LRRC8B: variants seen among roughly 807,000 people sequenced by gnomAD.
The protein encoded by LRRC8B is leucine rich repeat containing 8 VRAC subunit B, also known as volume-regulated anion channel subunit LRRC8B.
In LRRC8B, 23 loss-of-function variants were observed where a neutral mutation model predicts 58.8. That is an observed-to-expected ratio of 0.39 (90% CI 0.28 to 0.55). The LOEUF (loss-of-function observed/expected upper bound fraction) is 0.55, where lower values mean the gene tolerates loss of function less well. Ranked by LOEUF, LRRC8B falls within the 20% of genes least tolerant of loss-of-function variation. The probability of loss-of-function intolerance (pLI) is 0.62; values close to 1 mark genes in which losing one functional copy is unlikely to be tolerated. For missense variants in LRRC8B, 694 were observed against 936.0 expected (o/e 0.74, Z 3.37); for synonymous variants, 359 against 374.1 (o/e 0.96, Z 0.47).
At chr1:89,543,397 A>G (rs753977472) in intron 1 of LRRC8B, among the ~76,000 whole-genome samples, 1 of 152,196 alleles carries the variant, frequency 6.6e-6, no homozygotes, top group African/African-American at 2.4e-5. Context: ...TCTGTTGTGC[A>G]TGAAGGTAAC....
chr1:89,529,437 A>G (rs1398768098), intron 1 of LRRC8B, among the ~76,000 whole-genome samples: 1 of 152,112 alleles, frequency 6.6e-6, no homozygotes, highest in African/African-American at 2.4e-5. Flanking sequence ...TGTGAAATCA[A>G]ATAGATCTGG....
rs1655224026 is a variant in LRRC8B, at chr1:89,595,194, C to T, written c.*2151C>T. On this transcript the variant is annotated 3_prime_UTR_variant, in exon 6 of 6. Transcript: ENST00000330947. The stretch of plus-strand genomic sequence containing the variant: ...GCCTTTAGTCAGAACATTCAGCTCT[C>T]AGGGAAGCAGGTATAACTGATGAAA... The T allele has an allele frequency of 6.6e-6, 1 of 152,140 alleles. No individual in the cohort carries two copies. Among genetic ancestry groups the T allele is most frequent in the African/African-American group, 2.4e-5 (1 of 41,446 alleles). 9.4% of individuals were successfully genotyped at this position (152,140 alleles called of 1,614,324 possible). A position where few individuals can be genotyped will look rare whatever the true frequency, so the allele number is the denominator to read the frequency against.
At chr1:89,547,924 A>G (rs1036339681) in intron 1 of LRRC8B, among the ~76,000 whole-genome samples, 1 of 152,224 alleles carries the variant, frequency 6.6e-6, no homozygotes, top group Non-Finnish European at 1.5e-5. Context: ...TTGCAGCTAC[A>G]TGACAGCTGT....
chr1:89,532,894 C>G (rs1570552139), intron 1 of LRRC8B, among the ~76,000 whole-genome samples: 1 of 152,200 alleles, frequency 6.6e-6, no homozygotes, highest in Admixed American at 6.5e-5. Flanking sequence ...AACAGCAATA[C>G]TATTTACCCA....
intron 1 of LRRC8B, among the ~76,000 whole-genome samples, chr1:89,561,269 T>C (rs1422871892): frequency 6.7e-6 from 1 of 148,862 alleles, no homozygotes; most frequent in Non-Finnish European, 1.5e-5. Context: ...TTGAGTTCAC[T>C]GTAGATTCTG....
At chr1:89,536,354 T>G (rs978407348) in intron 1 of LRRC8B, among the ~76,000 whole-genome samples, 3 of 152,172 alleles carry the variant, frequency 2.0e-5, no homozygotes, top group African/African-American at 7.2e-5. Flanking sequence ...GCCTGGCTCC[T>G]TTTCACAGGT....
chr1:89,590,973 G>A (rs1341930115), intron 5 of LRRC8B, among the ~76,000 whole-genome samples: 1 of 152,176 alleles, frequency 6.6e-6, no homozygotes, highest in African/African-American at 2.4e-5. Context: ...TAGAGGCTGA[G>A]GATGCTGCTA....
chr1:89,572,934 A>T lies in LRRC8B; in HGVS notation c.-125+4441A>T, dbSNP rs1241551896. The stretch of plus-strand genomic sequence containing the variant: ...TCCTAAAGAGAAAAATATTATCTAC[A>T]TTAAATATATGATGTATTCTATAAC... On this transcript the variant is annotated intron_variant, in intron 3 of 5. Transcript: ENST00000330947. 2.0e-5 allele frequency among the ~76,000 whole-genome samples: 3 copies of T among 152,200 alleles called. No homozygotes were observed. In the South Asian group the frequency reaches 6.2e-4, roughly 32 times the overall value.
intron 1 of LRRC8B, among the ~76,000 whole-genome samples, chr1:89,526,748 C>T (rs1272909730): frequency 2.0e-5 from 3 of 152,106 alleles, no homozygotes; most frequent in Non-Finnish European, 2.9e-5. Flanking sequence ...ACTTAGTATC[C>T]CCAACAACAT....
chr1:89,576,805 T>C (rs1046443427), intron 3 of LRRC8B, among the ~76,000 whole-genome samples: 2 of 152,186 alleles, frequency 1.3e-5, no homozygotes, highest in Non-Finnish European at 2.9e-5. Context: ...TTGAAAGAAC[T>C]ACAAAGGGAC....
intron 3 of LRRC8B, among the ~76,000 whole-genome samples, chr1:89,577,167 G>C (rs1391596375): frequency 3.3e-5 from 5 of 152,186 alleles, no homozygotes; most frequent in African/African-American, 1.2e-4. Context: ...TGGGGTCAGA[G>C]ACAGATCTTT....
rs576944107 is a variant in LRRC8B at position 89,559,452 on chromosome 1, T to C, written c.-240-8795T>C. Among the ~76,000 whole-genome samples, 17 of 151,984 alleles carry C rather than the reference T, an allele frequency of 1.1e-4. No individual in the cohort carries two copies. In the East Asian group the frequency reaches 2.9e-3, roughly 26 times the overall value. Reference sequence around the variant, plus strand: ...TTGTGTCCAGGAGTTTCAGCAACATTGTGAGACTCTGTCTCTACAAAAAAA... The same window carrying C: ...TTGTGTCCAGGAGTTTCAGCAACATCGTGAGACTCTGTCTCTACAAAAAAA... On this transcript the variant is annotated intron_variant, in intron 1 of 5. Transcript: ENST00000330947.
intron 1 of LRRC8B, among the ~76,000 whole-genome samples, chr1:89,533,857 A>G (rs1650325684): frequency 1.3e-5 from 2 of 152,244 alleles, no homozygotes; most frequent in Admixed American, 6.5e-5. Flanking sequence ...TGGTATTTGC[A>G]TAAAATTTTA....
chr1:89,538,744 A>G (rs894695808), intron 1 of LRRC8B, among the ~76,000 whole-genome samples: 6 of 152,112 alleles, frequency 3.9e-5, no homozygotes, highest in African/African-American at 1.4e-4. Context: ...TTTTTTAGAC[A>G]GAGCCTCACT....
Position 89,584,098 on chromosome 1 carries a change from C to A in LRRC8B, c.1448C>A (p.Ala483Asp). The A allele has an allele frequency of 6.2e-7, 1 of 1,613,992 alleles. No individual in the cohort carries two copies. The highest frequency in any genetic ancestry group is 8.5e-7 in the Non-Finnish European group (1 of 1,180,034). ...SSLVVDHPAL[A>D]FLEENLKILR... ...CTGGTCGTAGACCATCCTGCACTGG[C>A]CTTTCTAGAGGAGAATTTAAAAATC... The change falls in exon 5 of 6, where the codon GCC (alanine) becomes GAC (aspartate). Residue 483 changes from alanine to aspartate, a missense_variant. By Grantham distance (126) the Ala-to-Asp change is moderately radical. Around this residue, in one of 5 missense-constraint regions of LRRC8B, gnomAD observed 162 missense variants for 198.5 expected, o/e 0.82. Coordinates refer to ENST00000330947, the MANE Select transcript of LRRC8B (RefSeq NM_001369817.2).
chr1:89,564,229 A>G (rs1652878244), intron 1 of LRRC8B, among the ~76,000 whole-genome samples: 1 of 152,194 alleles, frequency 6.6e-6, no homozygotes, highest in Admixed American at 6.5e-5. Context: ...GTCGACTTTA[A>G]TTATTTAATA....
chr1:89,541,676 A>G (rs1650993030), intron 1 of LRRC8B, among the ~76,000 whole-genome samples: 1 of 119,120 alleles, frequency 8.4e-6, no homozygotes, highest in Non-Finnish European at 1.6e-5. Context: ...CCGCCACTGC[A>G]CTCCAGCCTG....
chr1:89,533,397 C>T (rs1340195242), intron 1 of LRRC8B, among the ~76,000 whole-genome samples: 1 of 152,216 alleles, frequency 6.6e-6, no homozygotes, highest in Non-Finnish European at 1.5e-5. Flanking sequence ...TACCCCCATA[C>T]ACCAGCTGTC....
chr1:89,536,572 G>GA (rs1174671996), intron 1 of LRRC8B, among the ~76,000 whole-genome samples: 1 of 152,158 alleles, frequency 6.6e-6, no homozygotes, highest in East Asian at 1.9e-4. Context: ...AGAGAAAACA[G>GA]AAAAAACCCT....
Sources: gnomAD v4.1 joint callset for allele counts (sites outside exome capture counted in the v4.1 genomes callset) on GRCh38, gnomAD v4.1.1 for gene constraint, gnomAD v4.1.1 regional missense constraint, MANE v1.5 for transcripts, NCBI Gene and HGNC (gene_info 2026-07-23, HGNC 2026-07-21) for gene names.